GRIK2: variants seen among roughly 807,000 people sequenced by gnomAD.
The protein encoded by GRIK2 is glutamate receptor ionotropic, kainate 2.
GRIK2 carries 32 observed loss-of-function variants against 100.3 expected under a neutral mutation model. The ratio of observed to expected loss-of-function variants is 0.32; its 90% CI spans 0.24 to 0.43. The LOEUF is 0.43. Ranked by LOEUF, GRIK2 falls within the 20% of genes least tolerant of loss-of-function variation. The pLI, the probability that GRIK2 is intolerant of heterozygous loss-of-function variation, is 1.00. For synonymous variants in GRIK2, 417 were observed against 389.4 expected, an observed-to-expected ratio of 1.07 and a Z score of -0.83; for missense variants, 843 against 1,114.9, an observed-to-expected ratio of 0.76 and a Z score of 3.47.
intron 2 of GRIK2, among the ~76,000 whole-genome samples, chr6:101,455,801 G>A (rs770182900): frequency 2.6e-5 from 4 of 152,062 alleles, no homozygotes; most frequent in Admixed American, 6.6e-5. Flanking sequence ...TAGTAGGAGA[G>A]AAAATAACGG....
At chr6:101,903,326 GA>G (rs1305265144) in intron 12 of GRIK2, among the ~76,000 whole-genome samples, 2 of 151,716 alleles carry the variant, frequency 1.3e-5, no homozygotes, top group African/African-American at 4.8e-5. Flanking sequence ...GGGATTTATT[GA>G]ATTGTGAAGT....
chr6:101,898,919 G>A (rs1483057298), intron 12 of GRIK2, among the ~76,000 whole-genome samples: 8 of 151,826 alleles, frequency 5.3e-5, no homozygotes, highest in Non-Finnish European at 8.8e-5. Context: ...AATAATTAAT[G>A]AGTAGGAGAT....
chr6:101,488,395 A>G (rs1772938759), intron 2 of GRIK2, among the ~76,000 whole-genome samples: 1 of 146,866 alleles, frequency 6.8e-6, no homozygotes, highest in African/African-American at 2.6e-5. Flanking sequence ...TTCATTGTGT[A>G]GGAAAATATC....
At chr6:101,867,077 T>G (rs775381824) in intron 11 of GRIK2, among the ~76,000 whole-genome samples, 16 of 152,022 alleles carry the variant, frequency 1.1e-4, no homozygotes, top group Non-Finnish European at 2.1e-4. Context: ...ATTCTTAATG[T>G]TTTTGTTTCT....
chr6:102,021,417 A>G (rs914841087), intron 14 of GRIK2, among the ~76,000 whole-genome samples: 1 of 135,018 alleles, frequency 7.4e-6, no homozygotes, highest in Admixed American at 7.3e-5. Context: ...ATAATTATGT[A>G]AATATATTAC....
chr6:101,537,477 T>TGTG (rs1775770591), intron 2 of GRIK2, among the ~76,000 whole-genome samples: 1 of 150,814 alleles, frequency 6.6e-6, no homozygotes, highest in South Asian at 2.1e-4. Flanking sequence ...TGTGTGTGTG[T>TGTG]TTAAGCAAAT....
chr6:101,841,029 TA>T (rs11317092), intron 10 of GRIK2, among the ~76,000 whole-genome samples: 42,246 of 152,076 alleles, frequency 0.28, 8,396 homozygotes, highest in East Asian at 0.68. Context: ...TTTATGTCTT[TA>T]AAAACTCAAA....
chr6:101,567,394 G>A (rs1313756269), intron 2 of GRIK2, among the ~76,000 whole-genome samples: 2 of 151,786 alleles, frequency 1.3e-5, no homozygotes, highest in Non-Finnish European at 1.5e-5. Context: ...ATGCAAATCT[G>A]TCATGTCACT....
intron 2 of GRIK2, among the ~76,000 whole-genome samples, chr6:101,589,487 C>A (rs978666795): frequency 1.3e-5 from 2 of 152,106 alleles, no homozygotes; most frequent in Non-Finnish European, 2.9e-5. Flanking sequence ...CAGTAAACAC[C>A]ATTCTACTTT....
Position 101,993,875 on chromosome 6 carries a change from A to G in GRIK2, c.2086-41466A>G, listed in dbSNP as rs929937189. The G allele has an allele frequency of 2.9e-4, 43 of 147,926 alleles. 1 individual carries two copies. The highest frequency in any genetic ancestry group is 1.5e-5 in the Non-Finnish European group (1 of 66,858). The allele number at this position is 147,926 out of a possible 1,614,324, so 9.2% of individuals were successfully genotyped here. A position where few individuals can be genotyped will look rare whatever the true frequency, so the allele number is the denominator to read the frequency against. On this transcript the variant is annotated intron_variant, in intron 14 of 16. Coordinates refer to ENST00000369134, the MANE Select transcript of GRIK2 (RefSeq NM_021956.5). The stretch of plus-strand genomic sequence containing the variant: ...GTATTTGCTCTATTATTTAATATAA[A>G]TAGGTACATTGATATATATTATACA...
At chr6:101,726,799 G>T (rs1204786634) in intron 7 of GRIK2, among the ~76,000 whole-genome samples, 1 of 151,916 alleles carries the variant, frequency 6.6e-6, no homozygotes, top group Admixed American at 6.6e-5. Context: ...CAATGCAAAA[G>T]AATAAGTTTA....
intron 2 of GRIK2, among the ~76,000 whole-genome samples, chr6:101,596,607 C>G (rs1311513911): frequency 6.6e-6 from 1 of 151,576 alleles, no homozygotes; most frequent in Non-Finnish European, 1.5e-5. Context: ...TGATGATACT[C>G]TAGATTTAGA....
At chr6:101,524,650 C>T (rs139905629) in intron 2 of GRIK2, among the ~76,000 whole-genome samples, 11 of 151,650 alleles carry the variant, frequency 7.3e-5, no homozygotes, top group African/African-American at 2.7e-4. Flanking sequence ...GATCACCTTG[C>T]TCCACAATAT....
At chr6:101,961,758 A>G (rs919507790) in intron 14 of GRIK2, among the ~76,000 whole-genome samples, 5 of 152,056 alleles carry the variant, frequency 3.3e-5, no homozygotes, top group Non-Finnish European at 7.4e-5. Context: ...CCTGAACGTT[A>G]GAATTCCGGG....
chr6:101,754,939 C>T lies in GRIK2; in HGVS notation c.952-44709C>T, dbSNP rs925724241. On this transcript the variant is annotated intron_variant, in intron 7 of 16. Coordinates refer to ENST00000369134, the MANE Select transcript of GRIK2 (RefSeq NM_021956.5). ...AAAGAGGCTGGACTATGAAGGGCCT[C>T]ATAATCCACATGGGAGAATATGAAC... 6.6e-5 allele frequency among the ~76,000 whole-genome samples: 10 copies of T among 152,152 alleles called. 1 individual carries two copies. The highest frequency in any genetic ancestry group is 1.5e-4 in the Non-Finnish European group (10 of 68,024).
chr6:102,044,542 A>ACTC (rs1364148819), intron 15 of GRIK2, among the ~76,000 whole-genome samples: 11 of 152,090 alleles, frequency 7.2e-5, no homozygotes, highest in African/African-American at 2.6e-4. Context: ...AAAAGCAGAA[A>ACTC]CTCTTGATGA....
intron 2 of GRIK2, among the ~76,000 whole-genome samples, chr6:101,616,746 T>C (rs532340311): frequency 2.0e-5 from 3 of 151,918 alleles, no homozygotes; most frequent in South Asian, 4.1e-4. Flanking sequence ...TTTGTGTCGA[T>C]TTATTTTTCT....
At chr6:101,510,977 A>G (rs1394206444) in intron 2 of GRIK2, among the ~76,000 whole-genome samples, 1 of 152,212 alleles carries the variant, frequency 6.6e-6, no homozygotes, top group Non-Finnish European at 1.5e-5. Context: ...TTTTTATAAC[A>G]CAAAGCATGG....
chr6:101,593,389 T>C (rs1214062140), intron 2 of GRIK2, among the ~76,000 whole-genome samples: 1 of 151,868 alleles, frequency 6.6e-6, no homozygotes, highest in Non-Finnish European at 1.5e-5. Flanking sequence ...ATCATAATAA[T>C]AATAATTAAG....
Sources: gnomAD v4.1 joint callset for allele counts (sites outside exome capture counted in the v4.1 genomes callset) on GRCh38, gnomAD v4.1.1 for gene constraint, MANE v1.5 for transcripts, NCBI Gene and HGNC (gene_info 2026-07-23, HGNC 2026-07-21) for gene names.